WNT3A: variants seen among roughly 807,000 people sequenced by gnomAD.
The protein encoded by WNT3A is protein Wnt-3a.
In WNT3A, 17 loss-of-function variants were observed where a neutral mutation model predicts 37.0. The ratio of observed to expected loss-of-function variants is 0.46; its 90% CI spans 0.31 to 0.69. The LOEUF is 0.69. Among genes scored for constraint, WNT3A ranks in the 30% least tolerant of loss-of-function variants. The pLI, the probability that WNT3A is intolerant of heterozygous loss-of-function variation, is 0.05. For synonymous variants in WNT3A, 187 were observed against 211.0 expected (o/e 0.89, Z 0.99); for missense variants, 411 against 510.2 (o/e 0.81, Z 1.87).
intron 2 of WNT3A, among the ~76,000 whole-genome samples, chr1:228,036,287 C>T (rs959582694): frequency 6.6e-6 from 1 of 152,120 alleles, no homozygotes; most frequent in Non-Finnish European, 1.5e-5. Context: ...TGTGAGTGTA[C>T]ACCCTAGCGT....
chr1:228,022,966 C>T (rs1453146387), intron 2 of WNT3A, 58 bp downstream of exon 2: 8 of 1,547,368 alleles, frequency 5.2e-6, no homozygotes, highest in South Asian at 2.5e-5. Flanking sequence ...AGTCTCCCGC[C>T]TAGCGCTGCC....
At chr1:228,054,942 C>G (rs955291886) in intron 3 of WNT3A, among the ~76,000 whole-genome samples, 6 of 131,288 alleles carry the variant, frequency 4.6e-5, no homozygotes, top group African/African-American at 1.7e-4. Flanking sequence ...CGAGACTAGC[C>G]TGACCAACAT....
At chr1:228,044,133 C>CG (rs2031348317) in intron 2 of WNT3A, among the ~76,000 whole-genome samples, 1 of 152,142 alleles carries the variant, frequency 6.6e-6, no homozygotes, top group African/African-American at 2.4e-5. Context: ...AGATGCACAC[C>CG]ACCATGCCCA....
At position 228,037,743 on chromosome 1, in the gene WNT3A, G is replaced by A. The variant is rs997677306; in HGVS notation, c.314-12913G>A. On this transcript the variant is annotated intron_variant, in intron 2 of 3. Coordinates refer to ENST00000284523, the MANE Select transcript of WNT3A (RefSeq NM_033131.4). This position sits in a 1 kb window ranked among gnomAD's most constrained non-coding sequence, Gnocchi z 4.1. The stretch of plus-strand genomic sequence containing the variant: ...CTCTCCCCAGTGGGAGGGGAACCCC[G>A]GCCGACTCCCCGCCGCGTCCGGCTG... Among the ~76,000 whole-genome samples, 2 of 152,218 alleles carry A rather than the reference G, an allele frequency of 1.3e-5. No homozygotes were observed. The highest frequency in any genetic ancestry group is 4.8e-5 in the African/African-American group (2 of 41,458).
chr1:228,022,839 C>T lies in WNT3A; in HGVS notation c.244C>T (p.Arg82Cys), dbSNP rs753280205. 3 of 1,613,886 alleles carry T rather than the reference C, an allele frequency of 1.9e-6. No homozygotes were observed. Among genetic ancestry groups the T allele is most frequent in the Non-Finnish European group, 2.5e-6 (3 of 1,180,008 alleles). ...IGIQECQHQF[R>C]GRRWNCTTVH... ...CATCCAGGAGTGCCAGCACCAGTTC[C>T]GCGGCCGCCGGTGGAACTGCACCAC... is the stretch of plus-strand genomic sequence containing the variant. The change falls in exon 2 of 4, where the codon CGC becomes TGC. Residue 82 changes from arginine (R) to cysteine (C), a missense_variant. Arg to Cys is a radical substitution (Grantham distance 180, BLOSUM62 -3). Transcript: ENST00000284523.
chr1:228,059,525 G>A lies in WNT3A; in HGVS notation c.*60G>A, dbSNP rs2031752053. The A allele has an allele frequency of 2.1e-6, 3 of 1,448,810 alleles. No individual in the cohort carries two copies. The highest frequency in any genetic ancestry group is 2.7e-6 in the Non-Finnish European group (3 of 1,107,564). 89.7% of individuals were successfully genotyped at this position (1,448,810 alleles called of 1,614,324 possible). A position where few individuals can be genotyped will look rare whatever the true frequency, so the allele number is the denominator to read the frequency against. The stretch of plus-strand genomic sequence containing the variant: ...CCTGCCTGAGGGTGGGCTTTTCCCT[G>A]GGTGGAGCAGGACTCCCACCTAAAC... On this transcript the variant is annotated 3_prime_UTR_variant, in exon 4 of 4. Transcript: ENST00000284523.
chr1:228,023,370 G>C (rs1014612662), intron 2 of WNT3A, among the ~76,000 whole-genome samples: 3 of 152,132 alleles, frequency 2.0e-5, no homozygotes, highest in African/African-American at 7.2e-5. Flanking sequence ...CACAGAGAGA[G>C]AGGAACAGTG....
At chr1:228,018,272 G>A (rs1449631998) in intron 1 of WNT3A, among the ~76,000 whole-genome samples, 2 of 152,230 alleles carry the variant, frequency 1.3e-5, no homozygotes, top group African/African-American at 4.8e-5. Context: ...CCCACAGGGT[G>A]TGGGAGGAGG....
At chr1:228,048,114 C>G (rs991588271) in intron 2 of WNT3A, among the ~76,000 whole-genome samples, 1 of 152,186 alleles carries the variant, frequency 6.6e-6, no homozygotes, top group African/African-American at 2.4e-5. Flanking sequence ...CAAGGAGGAG[C>G]AGGGGACACT....
In WNT3A at chr1:228,060,571, G is replaced by T; in HGVS notation, c.*1106G>T. On this transcript the variant is annotated 3_prime_UTR_variant, in exon 4 of 4. Transcript: ENST00000284523. ...CCTCCCAAAGAGGCCCGCCCTGCCC[G>T]GGCTCCCACACCGTCAGGTACTCCT... 1 of 257,872 alleles carries T rather than the reference G, an allele frequency of 3.9e-6. No homozygotes were observed. The highest frequency in any genetic ancestry group is 7.9e-6 in the Non-Finnish European group (1 of 126,818). 16.0% of individuals were successfully genotyped at this position (257,872 alleles called of 1,614,324 possible). A position where few individuals can be genotyped will look rare whatever the true frequency, so the allele number is the denominator to read the frequency against.
At chr1:228,020,856 G>A (rs1393502617) in intron 1 of WNT3A, among the ~76,000 whole-genome samples, 1 of 152,104 alleles carries the variant, frequency 6.6e-6, no homozygotes, top group East Asian at 1.9e-4. Flanking sequence ...CTAGGGAGAG[G>A]GAGGCCAGAT....
chr1:228,055,710 T>C (rs1235307956), intron 3 of WNT3A, among the ~76,000 whole-genome samples: 1 of 152,180 alleles, frequency 6.6e-6, no homozygotes, highest in Non-Finnish European at 1.5e-5. Context: ...GAATTCCTAG[T>C]GTCTGATATC....
At chr1:228,023,518 T>A (rs1371809173) in intron 2 of WNT3A, among the ~76,000 whole-genome samples, 3 of 138,514 alleles carry the variant, frequency 2.2e-5, no homozygotes, top group Non-Finnish European at 4.7e-5. Context: ...GACAGAGACA[T>A]AAAGATGCAC....
rs1289868930 is a variant in WNT3A at position 228,007,473 on chromosome 1, G to A, written c.71+274G>A. ...CTAGCTGCCCCTGGCGTCGGACAGG[G>A]CGAGCAGTGGGCTGGGGAGAGGCTG... On this transcript the variant is annotated intron_variant, in intron 1 of 3. Transcript: ENST00000284523. The surrounding 1 kb of genome is among the most constrained non-coding windows in gnomAD (Gnocchi z 6.0). 6.6e-6 allele frequency among the ~76,000 whole-genome samples: 1 copy of A among 152,182 alleles called. No homozygotes were observed. The highest frequency in any genetic ancestry group is 2.4e-5 in the African/African-American group (1 of 41,450).
At position 228,059,567 on chromosome 1, in the gene WNT3A, C is replaced by T. The variant is rs1204769565; in HGVS notation, c.*102C>T. ...CACCTAAACGGGGCAGTACTCCTCC[C>T]TGGGGGCGGGACTCCTCCCTGGGGG... is the stretch of plus-strand genomic sequence containing the variant. On this transcript the variant is annotated 3_prime_UTR_variant, in exon 4 of 4. Transcript: ENST00000284523. 50 of 1,399,332 alleles carry T rather than the reference C, an allele frequency of 3.6e-5. No homozygotes were observed. Among genetic ancestry groups the T allele is most frequent in the Non-Finnish European group, 4.2e-5 (46 of 1,083,660 alleles). 86.7% of individuals were successfully genotyped at this position (1,399,332 alleles called of 1,614,324 possible). A position where few individuals can be genotyped will look rare whatever the true frequency, so the allele number is the denominator to read the frequency against.
chr1:228,027,596 T>G (rs2030883841), intron 2 of WNT3A, among the ~76,000 whole-genome samples: 1 of 152,206 alleles, frequency 6.6e-6, no homozygotes, highest in Non-Finnish European at 1.5e-5. Flanking sequence ...TCCATTCATG[T>G]CCCTTACCCA....
In WNT3A at chr1:228,050,712, G is replaced by A. The variant is rs1243774748; in HGVS notation, c.370G>A (p.Val124Met). The change falls in exon 3 of 4, where the codon GTG becomes ATG. Residue 124 changes from valine to methionine, a missense_variant. Val to Met is a conservative substitution (Grantham distance 21, BLOSUM62 1). Transcript: ENST00000284523. This position sits in a 1 kb window ranked among gnomAD's most constrained non-coding sequence, Gnocchi z 5.0. ...TGCCTCAGCCGGTGTGGCCTTTGCA[G>A]TGACACGCTCATGTGCAGAAGGCAC... ...AIASAGVAFA[V>M]TRSCAEGTAA... The A allele has an allele frequency of 6.2e-7, 1 of 1,613,998 alleles. No homozygotes were observed. Among genetic ancestry groups the A allele is most frequent in the Non-Finnish European group, 8.5e-7 (1 of 1,179,940 alleles).
Position 228,007,378 on chromosome 1 carries a change from G to T in WNT3A, c.71+179G>T, listed in dbSNP as rs115913525. ...ACTTTGGACCTGTTCAGGCCGCTGG[G>T]ACGCGTGGGTGGCGGAGTTTCCGGA... is the stretch of plus-strand genomic sequence containing the variant. On this transcript the variant is annotated intron_variant, in intron 1 of 3. Transcript: ENST00000284523. This position sits in a 1 kb window ranked among gnomAD's most constrained non-coding sequence, Gnocchi z 6.0. Among the ~76,000 whole-genome samples the T allele has an allele frequency of 0.016, 2,499 of 152,282 alleles. 27 individuals carry two copies. Among genetic ancestry groups the T allele is most frequent in the Non-Finnish European group, 0.023 (1,580 of 68,016 alleles).
At chr1:228,032,735 T>C (rs570243886) in intron 2 of WNT3A, among the ~76,000 whole-genome samples, 170 of 152,346 alleles carry the variant, frequency 1.1e-3, no homozygotes, top group Non-Finnish European at 2.1e-3. Context: ...GCTTAACTTT[T>C]TGAGGAACTG....
Sources: gnomAD v4.1 joint callset for allele counts (sites outside exome capture counted in the v4.1 genomes callset) on GRCh38, gnomAD v4.1.1 for gene constraint, Gnocchi (gnomAD v3.1) non-coding constraint, MANE v1.5 for transcripts, NCBI Gene and HGNC (gene_info 2026-07-23, HGNC 2026-07-21) for gene names.